Variants in SNX29 observed in about 807,000 individuals in gnomAD.
The protein encoded by SNX29 is sorting nexin 29.
SNX29 carries 78 observed loss-of-function variants against 102.1 expected under a neutral mutation model. The ratio of observed to expected loss-of-function variants is 0.76; its 90% CI spans 0.64 to 0.92. The LOEUF (loss-of-function observed/expected upper bound fraction) is 0.92, where lower values mean the gene tolerates loss of function less well. Ranked by LOEUF, SNX29 falls within the 40% of genes least tolerant of loss-of-function variation. The pLI is 0.00. For synonymous variants in SNX29, 580 were observed against 414.5 expected (o/e 1.40, Z -4.85); for missense variants, 1,280 against 1,061.7 (o/e 1.21, Z -2.86).
At chr16:12,217,890 C>T (rs2077367313) in intron 14 of SNX29, among the ~76,000 whole-genome samples, 1 of 152,180 alleles carries the variant, frequency 6.6e-6, no homozygotes, top group South Asian at 2.1e-4. Context: ...AACAGTAGAT[C>T]CAGGCTTGTG....
Position 12,343,931 on chromosome 16 carries a change from G to T in SNX29, c.1783-12232G>T, listed in dbSNP as rs555450502. Among the ~76,000 whole-genome samples the T allele has an allele frequency of 1.1e-4, 17 of 152,310 alleles. No individual in the cohort carries two copies. In the South Asian group the frequency reaches 2.7e-3, roughly 24 times the overall value. On this transcript the variant is annotated intron_variant, in intron 15 of 20. Transcript: ENST00000566228. Reference sequence around the variant, plus strand: ...TGTGTCCCCACCTAAATCTCATCTTGAATTGTAGCTCCCATAATTCCCACA... The same window carrying T: ...TGTGTCCCCACCTAAATCTCATCTTTAATTGTAGCTCCCATAATTCCCACA...
At chr16:12,453,803 A>G (rs1036986457) in intron 18 of SNX29, among the ~76,000 whole-genome samples, 15 of 152,160 alleles carry the variant, frequency 9.9e-5, no homozygotes, top group Non-Finnish European at 4.4e-5. Flanking sequence ...TATTTGTTTG[A>G]GTCCTCAATA....
intron 14 of SNX29, among the ~76,000 whole-genome samples, chr16:12,225,165 C>T (rs1334719044): frequency 6.6e-6 from 1 of 152,062 alleles, no homozygotes. Flanking sequence ...AATATCACTG[C>T]CTTTGATATT....
At chr16:12,548,985 C>G (rs879581447) in intron 20 of SNX29, among the ~76,000 whole-genome samples, 2 of 152,202 alleles carry the variant, frequency 1.3e-5, no homozygotes, top group East Asian at 1.9e-4. Context: ...GGCCCCTGCT[C>G]TCCCGTGCTT....
At chr16:12,166,976 G>T (rs1265986929) in intron 13 of SNX29, among the ~76,000 whole-genome samples, 3 of 152,238 alleles carry the variant, frequency 2.0e-5, no homozygotes, top group South Asian at 4.1e-4. Context: ...ACGTGGATCA[G>T]CCAGTGGTTA....
intron 14 of SNX29, among the ~76,000 whole-genome samples, chr16:12,248,923 T>C (rs561917181): frequency 6.6e-6 from 1 of 152,132 alleles, no homozygotes; most frequent in South Asian, 2.1e-4. Flanking sequence ...TCCAGAACAG[T>C]GAGTAGTGTG....
chr16:12,385,199 G>A (rs2151444300), intron 16 of SNX29, among the ~76,000 whole-genome samples: 1 of 152,294 alleles, frequency 6.6e-6, no homozygotes, highest in East Asian at 1.9e-4. Context: ...GTTCTGTGGG[G>A]ACACGGGAGA....
rs543019044 is a variant in SNX29, at chr16:12,502,595, C to T, written c.2179-22107C>T. 2.0e-5 allele frequency among the ~76,000 whole-genome samples: 3 copies of T among 152,284 alleles called. No individual in the cohort carries two copies. The East Asian group carries it at 5.8e-4, about 29-fold the overall frequency. ...TAGGGAAACTGAGGTTCAGAGTGGC[C>T]TGCTCTAGGGCTCAGCCTGATCTTC... On this transcript the variant is annotated intron_variant, in intron 19 of 20. Transcript: ENST00000566228.
chr16:12,516,029 C>T (rs947884236), intron 19 of SNX29, among the ~76,000 whole-genome samples: 1 of 152,142 alleles, frequency 6.6e-6, no homozygotes, highest in African/African-American at 2.4e-5. Context: ...ATTTCCTTTT[C>T]TCGGCTAGGC....
At chr16:12,237,135 C>A (rs2077959358) in intron 14 of SNX29, among the ~76,000 whole-genome samples, 1 of 152,158 alleles carries the variant, frequency 6.6e-6, no homozygotes, top group South Asian at 2.1e-4. Flanking sequence ...GATGCCGTGC[C>A]CCAGTCTCCA....
chr16:12,045,733 C>T (rs1352752590), intron 5 of SNX29, among the ~76,000 whole-genome samples: 1 of 151,818 alleles, frequency 6.6e-6, no homozygotes, highest in Non-Finnish European at 1.5e-5. Context: ...AAGCGATTCT[C>T]CTGCCTCAGC....
At chr16:12,280,714 A>G (rs981307150) in intron 15 of SNX29, among the ~76,000 whole-genome samples, 6 of 152,148 alleles carry the variant, frequency 3.9e-5, no homozygotes, top group African/African-American at 1.2e-4. Flanking sequence ...TTAGCATTTC[A>G]CTACACCAAT....
At chr16:12,265,234 A>G (rs2078890945) in intron 14 of SNX29, among the ~76,000 whole-genome samples, 2 of 152,332 alleles carry the variant, frequency 1.3e-5, no homozygotes, top group South Asian at 4.1e-4. Flanking sequence ...TTATTCCAGC[A>G]AAGAAGTTTT....
chr16:12,404,405 C>A (rs1042013770), intron 18 of SNX29, among the ~76,000 whole-genome samples: 5 of 152,048 alleles, frequency 3.3e-5, no homozygotes, highest in Non-Finnish European at 7.3e-5. Context: ...TGTCTGTCTT[C>A]CTTCTCCTCC....
At position 12,436,295 on chromosome 16, in the gene SNX29, A is replaced by G. The variant is rs569981802; in HGVS notation, c.2037+32766A>G. Among the ~76,000 whole-genome samples the G allele has an allele frequency of 2.0e-5, 3 of 152,226 alleles. No homozygotes were observed. In the South Asian group the frequency reaches 6.2e-4, roughly 32 times the overall value. On this transcript the variant is annotated intron_variant, in intron 18 of 20. Coordinates refer to ENST00000566228, the MANE Select transcript of SNX29 (RefSeq NM_032167.5). Reference sequence around the variant, plus strand: ...CAGGAGGCCGCAGCTTAAGGAGCTCACAGACGTTTCTATTCGGAGAGAGGG... The same window carrying G: ...CAGGAGGCCGCAGCTTAAGGAGCTCGCAGACGTTTCTATTCGGAGAGAGGG...
At chr16:12,045,339 A>G (rs1373244595) in intron 5 of SNX29, among the ~76,000 whole-genome samples, 3 of 152,126 alleles carry the variant, frequency 2.0e-5, no homozygotes, top group Admixed American at 2.0e-4. Context: ...TTAATTTAGA[A>G]TTCAATGACC....
rs1235433145 is a variant in SNX29, at chr16:12,126,702, G to T, written c.1466+6G>T. 6.2e-7 allele frequency: 1 copy of T among 1,613,798 alleles called. No homozygotes were observed. The highest frequency in any genetic ancestry group is 8.5e-7 in the Non-Finnish European group (1 of 1,179,782). On this transcript the variant is annotated splice_donor_region_variant and intron_variant, in intron 12 of 20. Transcript: ENST00000566228. ...GAGCTGGAGGAGGAGAACAGGTACC[G>T]TGATTTTCAGGCTTGAGGAATAGCC...
At chr16:12,549,370 C>G (rs908838198) in intron 20 of SNX29, among the ~76,000 whole-genome samples, 2 of 152,194 alleles carry the variant, frequency 1.3e-5, no homozygotes, top group African/African-American at 2.4e-5. Flanking sequence ...TGGTGTGCAC[C>G]TGTAGTCCCA....
chr16:12,566,301 C>T (rs1469618692), intron 20 of SNX29, among the ~76,000 whole-genome samples: 1 of 152,194 alleles, frequency 6.6e-6, no homozygotes, highest in South Asian at 2.1e-4. Flanking sequence ...AGACACGTGC[C>T]TCCAAGCTAT....
Sources: allele counts gnomAD v4.1 joint callset (sites outside exome capture counted in the v4.1 genomes callset), GRCh38; gene constraint gnomAD v4.1.1; transcripts MANE v1.5; gene names NCBI Gene and HGNC (gene_info 2026-07-23, HGNC 2026-07-21).